Variants in SLC43A1 observed in about 807,000 individuals in gnomAD.
The protein encoded by SLC43A1 is solute carrier family 43 member 1.
In SLC43A1, 31 loss-of-function variants were observed where a neutral mutation model predicts 59.5. The ratio of observed to expected loss-of-function variants is 0.52; its 90% CI spans 0.39 to 0.70. The LOEUF (loss-of-function observed/expected upper bound fraction) is 0.70. Among genes scored for constraint, SLC43A1 ranks in the 30% least tolerant of loss-of-function variants. The pLI is 0.00. For missense variants in SLC43A1, 598 were observed against 717.8 expected (o/e 0.83, Z 1.91); for synonymous variants, 259 against 290.9 (o/e 0.89, Z 1.12).
chr11:57,491,969 G>T, intron 8 of SLC43A1, 107 bp from the exon 9 acceptor site: 1 of 1,077,414 alleles, frequency 9.3e-7, no homozygotes, highest in Non-Finnish European at 1.3e-6. Flanking sequence ...ATGTGACTTT[G>T]GAGAGAGACT....
intron 8 of SLC43A1, among the ~76,000 whole-genome samples, chr11:57,493,051 GA>G (rs1340444763): frequency 6.6e-6 from 1 of 151,958 alleles, no homozygotes; most frequent in East Asian, 1.9e-4. Flanking sequence ...GGGCGGGGGG[GA>G]AAGAAACAAA....
chr11:57,495,738 C>A (rs900383709), intron 7 of SLC43A1, among the ~76,000 whole-genome samples: 1 of 152,190 alleles, frequency 6.6e-6, no homozygotes, highest in East Asian at 1.9e-4. Flanking sequence ...GGGAGAGGTT[C>A]GCTTGAGCCC....
At chr11:57,510,856 G>A (rs1005489214) in intron 2 of SLC43A1, among the ~76,000 whole-genome samples, 1 of 151,902 alleles carries the variant, frequency 6.6e-6, no homozygotes, top group Non-Finnish European at 1.5e-5. Context: ...GCCGAGCATG[G>A]TGGCGGGCGC....
At chr11:57,510,222 C>A (rs184881853) in intron 2 of SLC43A1, among the ~76,000 whole-genome samples, 1 of 151,712 alleles carries the variant, frequency 6.6e-6, no homozygotes, top group South Asian at 2.1e-4. Flanking sequence ...TTTGGGAGGC[C>A]GAGGTGGGCG....
intron 11 of SLC43A1, among the ~76,000 whole-genome samples, chr11:57,489,875 C>T (rs1010243121): frequency 3.9e-5 from 6 of 152,228 alleles, no homozygotes; most frequent in Non-Finnish European, 7.3e-5. Flanking sequence ...GACTGTCCAG[C>T]GCTTCCTCTC....
intron 2 of SLC43A1, among the ~76,000 whole-genome samples, chr11:57,509,594 AAAGGAAGGAAGGAAGGAAGGAAGG>A (rs1218558916): frequency 6.4e-5 from 5 of 78,666 alleles, no homozygotes; most frequent in Admixed American, 1.7e-4. Context: ...TCAGAAGGAC[AAAGGAAGGAAGGAAGGAAGGAAGG>A]AAGGAAGGAA....
chr11:57,504,469 ACAAT>A (rs1256695240), intron 2 of SLC43A1, among the ~76,000 whole-genome samples: 1 of 152,130 alleles, frequency 6.6e-6, no homozygotes, highest in Non-Finnish European at 1.5e-5. Flanking sequence ...TCCCTCACAA[ACAAT>A]CCCACTAGCG....
At chr11:57,507,155 C>T (rs534173275) in intron 2 of SLC43A1, among the ~76,000 whole-genome samples, 1 of 152,240 alleles carries the variant, frequency 6.6e-6, no homozygotes, top group Non-Finnish European at 1.5e-5. Context: ...TAGTGAGAAC[C>T]TGTCTCTACA....
chr11:57,484,921 A>T lies in SLC43A1; in HGVS notation c.*175T>A. On this transcript the variant is annotated 3_prime_UTR_variant, in exon 15 of 15. Transcript: ENST00000278426. ...AGCGTTGACTTAGGGGGCGTTTTTG[A>T]AGGTTTTTTTTCCTCCTTTTTGCAG... 1.3e-6 allele frequency: 1 copy of T among 751,430 alleles called. No individual in the cohort carries two copies. 46.5% of individuals were successfully genotyped at this position (751,430 alleles called of 1,614,324 possible).
rs1433045932 is a variant in SLC43A1 at position 57,491,843 on chromosome 11, C to T, written c.891G>A (p.Lys297=). ...ACAGGAAAGTGGGGGAGCAGAGGCT[C>T]TTGCGTAAGGGGACAGACCCTGGGG... ...NLPERSVPLR[K]SLCSPTFLWS... is the part of the protein sequence containing the mutation. The change falls in exon 9 of 15, where the codon AAG becomes AAA. Residue 297 remains lysine (K), a synonymous_variant. Coordinates refer to ENST00000278426, the MANE Select transcript of SLC43A1 (RefSeq NM_003627.6). The T allele has an allele frequency of 5.0e-6, 8 of 1,614,160 alleles. No homozygotes were observed. The highest frequency in any genetic ancestry group is 6.8e-6 in the Non-Finnish European group (8 of 1,180,038).
intron 11 of SLC43A1, among the ~76,000 whole-genome samples, chr11:57,490,606 C>T (rs61886990): frequency 0.098 from 14,953 of 152,188 alleles, 944 homozygotes; most frequent in African/African-American, 0.17. Flanking sequence ...ATTCTCCAAC[C>T]CCAGTCAGCC....
At chr11:57,497,362 C>A (rs1414285441) in intron 6 of SLC43A1, among the ~76,000 whole-genome samples, 1 of 152,212 alleles carries the variant, frequency 6.6e-6, no homozygotes, top group East Asian at 1.9e-4. Context: ...AACCACCCAT[C>A]CTCTCTGGAA....
chr11:57,512,389 C>T (rs1330461992), intron 2 of SLC43A1, among the ~76,000 whole-genome samples: 5 of 152,092 alleles, frequency 3.3e-5, no homozygotes, highest in Non-Finnish European at 5.9e-5. Context: ...GTCAGGTGTT[C>T]GAGACCAGCC....
chr11:57,489,429 C>A (rs368596785), intron 11 of SLC43A1, 37 bp from the exon 12 acceptor site: 1 of 1,610,818 alleles, frequency 6.2e-7, no homozygotes, highest in South Asian at 1.1e-5. Flanking sequence ...GCTGCCTCTA[C>A]GTTCCCAGGA....
At chr11:57,491,655 G>A in intron 9 of SLC43A1, 29 bp from the exon 10 acceptor site, 2 of 1,614,148 alleles carry the variant, frequency 1.2e-6, no homozygotes, top group South Asian at 1.1e-5. Context: ...ATGGTGAGGG[G>A]AGCTCAGCCA....
chr11:57,486,981 G>C (rs977380909), intron 14 of SLC43A1, 114 bp downstream of exon 14: 2 of 1,120,750 alleles, frequency 1.8e-6, no homozygotes, highest in Non-Finnish European at 1.3e-6. Context: ...GCAGATTAGA[G>C]ACCTCTGAGG....
intron 13 of SLC43A1, among the ~76,000 whole-genome samples, chr11:57,487,991 G>A (rs914498354): frequency 8.5e-5 from 13 of 152,258 alleles, no homozygotes; most frequent in Admixed American, 6.5e-4. Flanking sequence ...AAGTGCTGGG[G>A]CCAGAGCTTG....
intron 8 of SLC43A1, among the ~76,000 whole-genome samples, chr11:57,492,364 G>T (rs982404695): frequency 2.1e-4 from 29 of 137,994 alleles, no homozygotes; most frequent in Non-Finnish European, 4.5e-4. Context: ...GAGGCAGGAG[G>T]ATTGCTTGAG....
Position 57,513,943 on chromosome 11 carries a change from C to CCCCCCAGTTG in SLC43A1, c.154+14_154+15insCAACTGGGGG. 1 of 1,454,694 alleles carries CCCCCCAGTTG rather than the reference C, an allele frequency of 6.9e-7. No individual in the cohort carries two copies. Among genetic ancestry groups the CCCCCCAGTTG allele is most frequent in the African/African-American group, 1.4e-5 (1 of 71,724 alleles). The allele number at this position is 1,454,694 out of a possible 1,614,324, so 90.1% of individuals were successfully genotyped here. On this transcript the variant is annotated intron_variant, in intron 2 of 14. Coordinates refer to ENST00000278426, the MANE Select transcript of SLC43A1 (RefSeq NM_003627.6). ...ATCCCTCCCCCCAGCCCACCCAGCC[C>CCCCCCAGTTG]ATTTTCAGGCATACCTGGGCACGTG...
Sources: gnomAD v4.1 joint callset for allele counts (sites outside exome capture counted in the v4.1 genomes callset) on GRCh38, gnomAD v4.1.1 for gene constraint, MANE v1.5 for transcripts, NCBI Gene and HGNC (gene_info 2026-07-23, HGNC 2026-07-21) for gene names.